Variants in NUP210L observed in about 807,000 individuals in gnomAD.
The protein encoded by NUP210L is nucleoporin 210 like.
A neutral mutation model predicts 208.5 loss-of-function variants in NUP210L; 74 were observed. The observed-to-expected ratio is 0.35, with a 90% confidence interval of 0.29 to 0.43. NUP210L has a LOEUF of 0.43. Among genes scored for constraint, NUP210L ranks in the 20% least tolerant of loss-of-function variants. The pLI is 1.00. For synonymous variants in NUP210L, 780 were observed against 816.9 expected, an observed-to-expected ratio of 0.95 and a Z score of 0.77; for missense variants, 1,843 against 2,289.4, an observed-to-expected ratio of 0.81 and a Z score of 3.98.
At chr1:154,073,635 C>A (rs763739503) in intron 16 of NUP210L, among the ~76,000 whole-genome samples, 7 of 151,626 alleles carry the variant, frequency 4.6e-5, no homozygotes, top group Non-Finnish European at 1.0e-4. Context: ...GCTAACATGG[C>A]GAAACCCTGT....
At chr1:154,016,717 G>T (rs1211586957) in intron 33 of NUP210L, among the ~76,000 whole-genome samples, 5 of 152,178 alleles carry the variant, frequency 3.3e-5, no homozygotes, top group African/African-American at 7.2e-5. Context: ...GCCGAGGCAG[G>T]CCTATCACTT....
At chr1:154,092,108 C>T (rs374577337) in intron 15 of NUP210L, among the ~76,000 whole-genome samples, 116 of 146,186 alleles carry the variant, frequency 7.9e-4, no homozygotes, top group African/African-American at 2.1e-3. Flanking sequence ...CGGAGTCTCG[C>T]TCTGTCGCCC....
At chr1:154,025,381 T>C (rs1184681454) in intron 30 of NUP210L, among the ~76,000 whole-genome samples, 161 bp downstream of exon 30, 1 of 149,660 alleles carries the variant, frequency 6.7e-6, no homozygotes, top group Admixed American at 6.6e-5. Context: ...TTCTGGTTCA[T>C]GTTCTCTCAT....
chr1:154,045,740 G>A (rs146687120), intron 27 of NUP210L, among the ~76,000 whole-genome samples: 5 of 152,220 alleles, frequency 3.3e-5, no homozygotes, highest in East Asian at 3.9e-4. Context: ...CCAGCACTTC[G>A]GGAGGTCACA....
At chr1:153,995,011 CAAAAAAAA>C (rs376157395) in intron 38 of NUP210L, 57 bp downstream of exon 38, 2 of 724,292 alleles carry the variant, frequency 2.8e-6, no homozygotes, top group South Asian at 1.9e-5. Context: ...AACTCCATCT[CAAAAAAAA>C]AAAAAAAAAG....
chr1:153,993,157 A>G, intron 38 of NUP210L, 68 bp from the exon 39 acceptor site: 1 of 989,154 alleles, frequency 1.0e-6, no homozygotes, highest in Non-Finnish European at 1.5e-6. Context: ...AGTCAACTCT[A>G]GAATGAGAAT....
intron 1 of NUP210L, among the ~76,000 whole-genome samples, chr1:154,154,483 T>C (rs769753335): frequency 6.6e-6 from 1 of 152,190 alleles, no homozygotes; most frequent in Non-Finnish European, 1.5e-5. Context: ...GTTGTTTACA[T>C]TGGAAGTCAT....
At chr1:154,054,791 C>G (rs769607083) in exon 24 of NUP210L, 62 of 1,613,276 alleles carry the variant, frequency 3.8e-5, no homozygotes, top group Non-Finnish European at 4.9e-5. Flanking sequence ...TCATTGGAAT[C>G]AGTGTCATTT....
At chr1:154,073,672 G>A (rs1023080883) in intron 16 of NUP210L, among the ~76,000 whole-genome samples, 10 of 151,658 alleles carry the variant, frequency 6.6e-5, no homozygotes, top group African/African-American at 1.2e-4. Flanking sequence ...AAAATTAGCC[G>A]GGCATGGTGG....
At chr1:154,072,638 G>A (rs947627698) in intron 16 of NUP210L, among the ~76,000 whole-genome samples, 10 of 151,848 alleles carry the variant, frequency 6.6e-5, no homozygotes, top group Non-Finnish European at 1.3e-4. Flanking sequence ...GGCAATTATG[G>A]CCATTCTTGC....
exon 30 of NUP210L, chr1:154,025,691 G>A: frequency 6.2e-7 from 1 of 1,613,152 alleles, no homozygotes; most frequent in Non-Finnish European, 8.5e-7. Flanking sequence ...TTGAGAACAC[G>A]AGAACTCACG....
At chr1:154,031,319 A>G (rs1440331006) in intron 27 of NUP210L, among the ~76,000 whole-genome samples, 2 of 152,024 alleles carry the variant, frequency 1.3e-5, no homozygotes, top group Admixed American at 1.3e-4. Flanking sequence ...CGAACTCCTG[A>G]CCTCAGATGA....
chr1:154,005,535 G>C (rs559856899), intron 35 of NUP210L, among the ~76,000 whole-genome samples: 6 of 150,760 alleles, frequency 4.0e-5, no homozygotes, highest in Admixed American at 2.0e-4. Context: ...GTGTTTGTTT[G>C]TTTGTTTGTT....
At chr1:154,055,685 C>A (rs1653829225) in intron 23 of NUP210L, among the ~76,000 whole-genome samples, 1 of 152,112 alleles carries the variant, frequency 6.6e-6, no homozygotes, top group Non-Finnish European at 1.5e-5. Context: ...CATGAGCCAC[C>A]AAACCCAGCC....
Position 154,058,216 on chromosome 1 carries a change from C to G in NUP210L, c.2980G>C (p.Val994Leu), listed in dbSNP as rs769204180. ...ACTAACACAGTTTTGTCTATTTCAA[C>G]CTAGTAGTTAAAAAGAAAAAGATTT... The change falls in exon 22 of 40, where the codon GTT (valine) becomes CTT (leucine). Residue 994 changes from valine to leucine, a missense_variant and splice_region_variant. This residue lies in a region of NUP210L where 408 missense variants were observed against 600.8 expected (regional missense o/e 0.68). Transcript: ENST00000368559. 1 of 1,613,382 alleles carries G rather than the reference C, an allele frequency of 6.2e-7. No homozygotes were observed. The highest frequency in any genetic ancestry group is 1.7e-5 in the Admixed American group (1 of 59,850).
chr1:154,002,573 T>G (rs1650282067), intron 35 of NUP210L, among the ~76,000 whole-genome samples: 1 of 151,648 alleles, frequency 6.6e-6, no homozygotes, highest in South Asian at 2.1e-4. Context: ...TGCAGTGAGC[T>G]GAGATCACAC....
At chr1:154,078,500 C>T (rs1429209072) in intron 16 of NUP210L, among the ~76,000 whole-genome samples, 1 of 151,188 alleles carries the variant, frequency 6.6e-6, no homozygotes, top group Non-Finnish European at 1.5e-5. Context: ...GAGGCTGAAG[C>T]AGGAGAATCA....
At chr1:154,141,487 C>A (rs1447543076) in exon 4 of NUP210L, 1 of 1,612,910 alleles carries the variant, frequency 6.2e-7, no homozygotes, top group Non-Finnish European at 8.5e-7. Context: ...CAATGCTCCA[C>A]TCAAACATCA....
chr1:154,054,982 C>G (rs932384753), intron 23 of NUP210L, 150 bp from the exon 24 acceptor site: 21 of 628,268 alleles, frequency 3.3e-5, no homozygotes, highest in African/African-American at 3.1e-4. Flanking sequence ...CTCACTGCAG[C>G]CTTGAACTCC....
Sources: gnomAD v4.1 joint callset for allele counts (sites outside exome capture counted in the v4.1 genomes callset) on GRCh38, gnomAD v4.1.1 for gene constraint, gnomAD v4.1.1 regional missense constraint, MANE v1.5 for transcripts, NCBI Gene and HGNC (gene_info 2026-07-23, HGNC 2026-07-21) for gene names.